The following POU2AF2 variants were observed in gnomAD, a reference collection of about 807,000 sequenced individuals.
POU2AF2 encodes the protein POU domain class 2-associating factor 2.
the POU2AF2 span, among the ~76,000 whole-genome samples, chr11:111,252,898 C>A: frequency 2.0e-5 from 3 of 152,154 alleles, no homozygotes; most frequent in Non-Finnish European, 4.4e-5. Flanking sequence ...GTGTCTACCT[C>A]CTCCATTGAC....
the POU2AF2 span, among the ~76,000 whole-genome samples, chr11:111,263,262 T>G: frequency 6.6e-5 from 10 of 152,284 alleles, no homozygotes; most frequent in South Asian, 2.1e-3. Flanking sequence ...ATACTTCAAA[T>G]ATTTCCATTT....
the POU2AF2 span, among the ~76,000 whole-genome samples, chr11:111,276,451 A>ATATATATATATATATAT: frequency 2.4e-5 from 1 of 41,960 alleles, no homozygotes; most frequent in Non-Finnish European, 5.9e-5. Context: ...AAAAAAAAAA[A>ATATATATATATATATAT]AAATATATAT....
the POU2AF2 span, among the ~76,000 whole-genome samples, chr11:111,280,489 A>G: frequency 6.6e-6 from 1 of 152,188 alleles, no homozygotes; most frequent in Non-Finnish European, 1.5e-5. Flanking sequence ...TGCCTTTCTC[A>G]GTGGTGTGAT....
the POU2AF2 span, among the ~76,000 whole-genome samples, chr11:111,276,461 T>A: frequency 0.05 from 2,008 of 40,288 alleles, 53 homozygotes; most frequent in African/African-American, 0.12. Context: ...AAAATATATA[T>A]ATATATATAT....
the POU2AF2 span, among the ~76,000 whole-genome samples, chr11:111,276,659 A>C: frequency 6.7e-6 from 1 of 149,984 alleles, no homozygotes; most frequent in Non-Finnish European, 1.5e-5. Context: ...AAAAGAAAAA[A>C]AAAGATAATG....
the POU2AF2 span, among the ~76,000 whole-genome samples, chr11:111,277,320 C>A: frequency 1.3e-5 from 2 of 152,128 alleles, no homozygotes; most frequent in African/African-American, 2.4e-5. Flanking sequence ...ATTGTGAAAT[C>A]TTTGTAGAGT....
the POU2AF2 span, among the ~76,000 whole-genome samples, chr11:111,263,385 T>C: frequency 1.5e-3 from 228 of 151,954 alleles, 1 homozygote; most frequent in African/African-American, 5.2e-3. Flanking sequence ...TTCAGATTAC[T>C]CTGTTGTCTG....
the POU2AF2 span, among the ~76,000 whole-genome samples, chr11:111,253,969 C>T: frequency 1.3e-5 from 2 of 151,096 alleles, no homozygotes; most frequent in Non-Finnish European, 2.9e-5. Context: ...GGAAGTGATG[C>T]GTTCTGGGTT....
chr11:111,278,821 C>T, the POU2AF2 span, among the ~76,000 whole-genome samples: 1 of 152,224 alleles, frequency 6.6e-6, no homozygotes, highest in African/African-American at 2.4e-5. Flanking sequence ...GGGATTAGAA[C>T]TAGAAAGTTA....
the POU2AF2 span, among the ~76,000 whole-genome samples, chr11:111,280,115 A>G: frequency 1.3e-5 from 2 of 148,166 alleles, no homozygotes; most frequent in African/African-American, 2.5e-5. Flanking sequence ...AACCCACCAC[A>G]TTCCCCAACC....
chr11:111,259,568 G>C, the POU2AF2 span, among the ~76,000 whole-genome samples: 1 of 151,974 alleles, frequency 6.6e-6, no homozygotes, highest in Non-Finnish European at 1.5e-5. Context: ...CACCCACCTC[G>C]GCCCCCCAAA....
chr11:111,273,198 T>TA, the POU2AF2 span, among the ~76,000 whole-genome samples: 2 of 152,216 alleles, frequency 1.3e-5, no homozygotes, highest in African/African-American at 2.4e-5. Context: ...CTTCTCCTGT[T>TA]AACTAAGGCA....
chr11:111,266,031 C>T, the POU2AF2 span, among the ~76,000 whole-genome samples: 1 of 151,966 alleles, frequency 6.6e-6, no homozygotes, highest in Non-Finnish European at 1.5e-5. Context: ...TACTAAATAT[C>T]CAAAAACTCA....
At chr11:111,277,169 T>C in the POU2AF2 span, among the ~76,000 whole-genome samples, 1 of 152,202 alleles carries the variant, frequency 6.6e-6, no homozygotes, top group Admixed American at 6.5e-5. Flanking sequence ...TTGTTAAATA[T>C]ACATGGTAAA....
the POU2AF2 span, among the ~76,000 whole-genome samples, chr11:111,265,964 T>A: frequency 6.6e-6 from 1 of 152,090 alleles, no homozygotes; most frequent in Non-Finnish European, 1.5e-5. Flanking sequence ...TGGCTAGAGT[T>A]GAAACTCCAA....
At chr11:111,259,097 C>T in the POU2AF2 span, among the ~76,000 whole-genome samples, 26 of 152,112 alleles carry the variant, frequency 1.7e-4, no homozygotes, top group African/African-American at 5.8e-4. Flanking sequence ...GCAGCATAGA[C>T]ATGTAATATG....
the POU2AF2 span, chr11:111,285,790 C>A: frequency 6.2e-7 from 1 of 1,610,890 alleles, no homozygotes. Context: ...AGCACAGGGG[C>A]TCAAGCTGGG....
At chr11:111,255,918 T>C in the POU2AF2 span, 2 of 398,614 alleles carry the variant, frequency 5.0e-6, no homozygotes, top group African/African-American at 2.1e-5. Flanking sequence ...CCCCTAAACA[T>C]GTCCTTTGGG....
At chr11:111,281,527 A>G in the POU2AF2 span, 1 of 1,412,352 alleles carries the variant, frequency 7.1e-7, no homozygotes, top group Non-Finnish European at 9.9e-7. Context: ...CGACCTTACA[A>G]CACTTCCAAA....
Sources: allele counts gnomAD v4.1 joint callset (sites outside exome capture counted in the v4.1 genomes callset), GRCh38; gene constraint gnomAD v4.1.1; transcripts MANE v1.5; gene names NCBI Gene and HGNC (gene_info 2026-07-23, HGNC 2026-07-21).